Variants in ACBD6 observed in about 807,000 individuals in gnomAD.
ACBD6 encodes acyl-CoA binding domain containing 6, also known as acyl-CoA-binding domain-containing protein 6.
ACBD6 carries 28 observed loss-of-function variants against 37.2 expected under a neutral mutation model. The observed-to-expected ratio is 0.75, with a 90% CI of 0.56 to 1.03. The LOEUF is 1.03. ACBD6 is among the 50% of genes least tolerant of loss of function. The pLI, the probability that ACBD6 is intolerant of heterozygous loss-of-function variation, is 0.00. For missense variants in ACBD6, 340 were observed against 337.4 expected (o/e 1.01, Z -0.06); for synonymous variants, 113 against 126.8 (o/e 0.89, Z 0.73).
At chr1:180,454,555 C>G (rs1262535643) in intron 3 of ACBD6, among the ~76,000 whole-genome samples, 4 of 152,040 alleles carry the variant, frequency 2.6e-5, no homozygotes, top group Non-Finnish European at 5.9e-5. Flanking sequence ...AGCTTCTGCA[C>G]AGCAAAAGAA....
chr1:180,320,570 T>C (rs530070244), intron 6 of ACBD6, among the ~76,000 whole-genome samples: 22 of 152,106 alleles, frequency 1.4e-4, no homozygotes, highest in African/African-American at 4.8e-4. Flanking sequence ...ATCTGGGAGG[T>C]AGGGGTTGCA....
At chr1:180,287,186 A>G (rs79072905), downstream of ACBD6, 2,990 of 75,232 alleles carry the variant, frequency 0.04, 100 homozygotes, top group African/African-American at 0.11. Context: ...AAACTGCTTG[A>G]GGCCAGGAGT....
chr1:180,421,339 C>T (rs893337758), intron 4 of ACBD6, among the ~76,000 whole-genome samples: 12 of 152,218 alleles, frequency 7.9e-5, no homozygotes, highest in African/African-American at 2.7e-4. Flanking sequence ...CTGCAAAGGA[C>T]ATGATCTTGT....
chr1:180,486,583 A>G (rs997087382), intron 3 of ACBD6, among the ~76,000 whole-genome samples: 1 of 152,246 alleles, frequency 6.6e-6, no homozygotes, highest in Non-Finnish European at 1.5e-5. Context: ...CTTACAGTGG[A>G]ATGCTAAATA....
chr1:180,351,588 T>G (rs1298025955), intron 6 of ACBD6, among the ~76,000 whole-genome samples: 8 of 150,678 alleles, frequency 5.3e-5, no homozygotes, highest in African/African-American at 9.8e-5. Context: ...TTACGTTTTT[T>G]TTTTTTTTTT....
intron 6 of ACBD6, among the ~76,000 whole-genome samples, chr1:180,329,922 A>G (rs530503559): frequency 6.6e-6 from 1 of 152,276 alleles, no homozygotes; most frequent in South Asian, 2.1e-4. Context: ...AAAATAATGG[A>G]ACTAACTTGT....
chr1:180,288,616 C>T, intron 7 of ACBD6, 99 bp from the exon 8 acceptor site: 1 of 1,364,012 alleles, frequency 7.3e-7, no homozygotes, highest in Non-Finnish European at 1.0e-6. Context: ...ATAAGGAATA[C>T]TGAACAATGA....
intron 4 of ACBD6, among the ~76,000 whole-genome samples, chr1:180,424,436 A>C (rs1327671842): frequency 6.6e-6 from 1 of 152,188 alleles, no homozygotes; most frequent in East Asian, 1.9e-4. Flanking sequence ...AATAAATATT[A>C]ATTAGAACTT....
chr1:180,334,800 G>A (rs1393574026), intron 6 of ACBD6, among the ~76,000 whole-genome samples: 1 of 152,110 alleles, frequency 6.6e-6, no homozygotes, highest in African/African-American at 2.4e-5. Context: ...AATAACCAAT[G>A]CAGAGAAGTC....
intron 3 of ACBD6, among the ~76,000 whole-genome samples, chr1:180,433,293 A>C (rs1648882725): frequency 6.6e-6 from 1 of 152,222 alleles, no homozygotes; most frequent in African/African-American, 2.4e-5. Context: ...CAAAACCCAC[A>C]TGATCATCTC....
chr1:180,454,467 A>G (rs543569983), intron 3 of ACBD6, among the ~76,000 whole-genome samples: 1 of 152,382 alleles, frequency 6.6e-6, no homozygotes, highest in African/African-American at 2.4e-5. Flanking sequence ...AGGCATGGGC[A>G]AAGACTTTAT....
chr1:180,478,477 C>T, intron 3 of ACBD6, among the ~76,000 whole-genome samples: 1 of 150,490 alleles, frequency 6.6e-6, no homozygotes, highest in South Asian at 2.1e-4. Context: ...AATTTTCCCG[C>T]TCTATAAATC....
intron 6 of ACBD6, among the ~76,000 whole-genome samples, chr1:180,329,472 G>A (rs969351609): frequency 6.6e-6 from 1 of 152,120 alleles, no homozygotes; most frequent in Admixed American, 6.5e-5. Context: ...TCCTCAAGCT[G>A]TGTCTAAAAC....
chr1:180,384,908 C>T (rs77037040), intron 6 of ACBD6, among the ~76,000 whole-genome samples: 3 of 152,022 alleles, frequency 2.0e-5, no homozygotes, highest in Non-Finnish European at 2.9e-5. Context: ...CACAGAAAGA[C>T]GAATTTTACA....
rs1321389700 is a variant in ACBD6 at position 180,445,730 on chromosome 1, G to C, written c.385-15468C>G. 2.0e-5 allele frequency among the ~76,000 whole-genome samples: 3 copies of C among 151,736 alleles called. No individual in the cohort carries two copies. The East Asian group carries it at 5.8e-4, about 29-fold the overall frequency. On this transcript the variant is annotated intron_variant, in intron 3 of 7. Transcript: ENST00000367595. ...ACTTGAGCTCAGGAGTTCAAAACCA[G>C]CCTAGACAACATGGTGAGACCCTGT...
At chr1:180,413,581 A>C in intron 4 of ACBD6, 110 bp from the exon 5 acceptor site, 1 of 827,304 alleles carries the variant, frequency 1.2e-6, no homozygotes, top group Non-Finnish European at 1.9e-6. Flanking sequence ...CTCTGCTTAC[A>C]AAAAAATTTT....
intron 7 of ACBD6, among the ~76,000 whole-genome samples, chr1:180,292,408 T>G (rs1484294440): frequency 2.0e-5 from 3 of 152,192 alleles, no homozygotes; most frequent in African/African-American, 7.2e-5. Context: ...CCCTAAGAAT[T>G]TCATGTTTTT....
intron 3 of ACBD6, among the ~76,000 whole-genome samples, chr1:180,449,050 C>T (rs1295948031): frequency 6.6e-6 from 1 of 151,756 alleles, no homozygotes; most frequent in African/African-American, 2.4e-5. Flanking sequence ...AATAGGAATA[C>T]ACAAATAAAT....
rs188819617 is a variant in ACBD6 at position 180,339,121 on chromosome 1, G to A, written c.664-24399C>T. On this transcript the variant is annotated intron_variant, in intron 6 of 7. Transcript: ENST00000367595. Reference sequence around the variant, plus strand: ...GCTCAACCATTGTGGAAGTCAGTGTGGCAATTCCTCAGGGATCTAGAACTA... The same window carrying A: ...GCTCAACCATTGTGGAAGTCAGTGTAGCAATTCCTCAGGGATCTAGAACTA... Among the ~76,000 whole-genome samples the A allele has an allele frequency of 3.1e-3, 476 of 152,324 alleles. 5 individuals are homozygous for A. The highest frequency in any genetic ancestry group is 2.2e-3 in the Non-Finnish European group (150 of 68,032).
Sources: gnomAD v4.1 joint callset for allele counts (sites outside exome capture counted in the v4.1 genomes callset) on GRCh38, gnomAD v4.1.1 for gene constraint, MANE v1.5 for transcripts, NCBI Gene and HGNC (gene_info 2026-07-23, HGNC 2026-07-21) for gene names.